The following PAX6 variants were observed in gnomAD, a reference collection of about 807,000 sequenced individuals.
PAX6 encodes the protein paired box protein Pax-6.
PAX6 carries 7 observed loss-of-function variants against 60.7 expected under a neutral mutation model. The ratio of observed to expected loss-of-function variants is 0.12; its 90% CI spans 0.07 to 0.22. The LOEUF (loss-of-function observed/expected upper bound fraction) is 0.22, where lower values mean the gene tolerates loss of function less well. PAX6 is among the 10% of genes least tolerant of loss of function. The pLI, the probability that PAX6 is intolerant of heterozygous loss-of-function variation, is 1.00. For missense variants in PAX6, 355 were observed against 555.2 expected (o/e 0.64, Z 3.62); for synonymous variants, 208 against 201.2 (o/e 1.03, Z -0.29).
chr11:31,800,183 G>T (rs779055487), intron 8 of PAX6, among the ~76,000 whole-genome samples: 1 of 151,972 alleles, frequency 6.6e-6, no homozygotes, highest in East Asian at 1.9e-4. Context: ...TTTTAGTTGG[G>T]AGACCACCAC....
chr11:31,799,724 G>C (rs1170567675), intron 8 of PAX6, among the ~76,000 whole-genome samples: 1 of 152,134 alleles, frequency 6.6e-6, no homozygotes, highest in Non-Finnish European at 1.5e-5. Flanking sequence ...TCACGGATGC[G>C]CCGGCAGCCT....
At chr11:31,808,090 T>C (rs1956267266) in intron 2 of PAX6, 1 of 152,058 alleles carries the variant, frequency 6.6e-6, no homozygotes, top group Non-Finnish European at 1.5e-5. Context: ...TCAAGAGGTC[T>C]GCCCCCCAAA....
upstream of PAX6, among the ~76,000 whole-genome samples, chr11:31,815,261 A>G (rs1957322892): frequency 6.6e-6 from 1 of 152,086 alleles, no homozygotes; most frequent in Non-Finnish European, 1.5e-5. Flanking sequence ...GGTTCCTAGA[A>G]AAGTTTGCTT....
chr11:31,816,414 G>T, intron 1 of PAX6: 1 of 626,292 alleles, frequency 1.6e-6, no homozygotes, highest in East Asian at 2.8e-5. Context: ...CCTGGGCGCG[G>T]AGCGAGGACT....
At chr11:31,816,451 GT>G (rs1488194559) in intron 1 of PAX6, 18 of 676,316 alleles carry the variant, frequency 2.7e-5, no homozygotes, top group Non-Finnish European at 4.6e-5. Context: ...ATGTCACCGC[GT>G]TTTCTCGCCG....
chr11:31,801,183 C>T (rs1269292568), intron 7 of PAX6: 2 of 1,204,080 alleles, frequency 1.7e-6, no homozygotes. Flanking sequence ...GTAAAGCTTT[C>T]TTTCATTATA....
In PAX6 at chr11:31,789,410, C is replaced by A; in HGVS notation, c.*524G>T. ...ACCTTTGGAAAACCAACAGATATTT[C>A]TGACATAAATCTAGTGCATGTTGTT... On this transcript the variant is annotated 3_prime_UTR_variant, in exon 14 of 14. Transcript: ENST00000640368. 1 of 360,912 alleles carries A rather than the reference C, an allele frequency of 2.8e-6. No individual in the cohort carries two copies. Among genetic ancestry groups the A allele is most frequent in the Non-Finnish European group, 4.9e-6 (1 of 202,538 alleles). 22.4% of individuals were successfully genotyped at this position (360,912 alleles called of 1,614,324 possible).
chr11:31,802,882 A>G (rs1227547420), intron 4 of PAX6, 48 bp from the exon 5 acceptor site: 10 of 1,574,958 alleles, frequency 6.3e-6, no homozygotes, highest in Non-Finnish European at 8.7e-6. Context: ...AGAAGAGAGC[A>G]GAGTGAAGAG....
intron 2 of PAX6, chr11:31,809,807 A>C (rs1268716584): frequency 6.6e-6 from 1 of 152,296 alleles, no homozygotes; most frequent in Non-Finnish European, 1.5e-5. Flanking sequence ...ATTCGGAGTA[A>C]AACAAACAAA....
rs10694272 is a variant in PAX6, at chr11:31,797,983, T to TGAGAGAGA, written c.565+2700_565+2707dup. On this transcript the variant is annotated intron_variant, in intron 8 of 13. Coordinates refer to ENST00000640368, the MANE Select transcript of PAX6 (RefSeq NM_001368894.2). Reference sequence around the variant, plus strand: ...ATAGGATTTGTTTCCTGGAAGGAGGTGAGAGAGAGAGAGAGAGAGAGAGAC... The same window carrying TGAGAGAGA: ...ATAGGATTTGTTTCCTGGAAGGAGGTGAGAGAGAGAGAGAGAGAGAGAGAGAGAGAGAC... 3.2e-3 allele frequency among the ~76,000 whole-genome samples: 470 copies of TGAGAGAGA among 148,294 alleles called. 5 individuals carry two copies. Among genetic ancestry groups the TGAGAGAGA allele is most frequent in the East Asian group, 3.8e-3 (19 of 4,966 alleles).
intron 7 of PAX6, 113 bp from the exon 8 acceptor site, chr11:31,800,969 C>A: frequency 8.9e-7 from 1 of 1,119,668 alleles, no homozygotes; most frequent in East Asian, 2.5e-5. Flanking sequence ...AAAAAGCTCC[C>A]AGCCACCCCG....
At chr11:31,791,216 C>A (rs1949848765) in intron 12 of PAX6, 1 of 382,084 alleles carries the variant, frequency 2.6e-6, no homozygotes. Flanking sequence ...CACATCCCCT[C>A]TCCCTGCAAA....
rs1304779385 is a variant in PAX6 at position 31,809,666 on chromosome 11, G to A, written c.-129+1162C>T. 4 of 152,268 alleles carry A rather than the reference G, an allele frequency of 2.6e-5. No individual in the cohort carries two copies. The East Asian group carries it at 7.7e-4, about 29-fold the overall frequency. 9.4% of individuals were successfully genotyped at this position (152,268 alleles called of 1,614,324 possible). ...CTTTGAAAAGACACTTTTCCTCCTG[G>A]GATCTTAGAATCGAAAGCTCTCAAA... is the stretch of plus-strand genomic sequence containing the variant. On this transcript the variant is annotated intron_variant, in intron 2 of 13. Transcript: ENST00000640368.
At chr11:31,816,738 C>T in intron 1 of PAX6, 2 of 679,836 alleles carry the variant, frequency 2.9e-6, no homozygotes, top group South Asian at 3.1e-5. Context: ...GGTCCCAACA[C>T]CTGTCACAGG....
At chr11:31,815,842 C>T (rs1379887599), upstream of PAX6, among the ~76,000 whole-genome samples, 2 of 152,088 alleles carry the variant, frequency 1.3e-5, no homozygotes, top group African/African-American at 4.8e-5. Flanking sequence ...AACCCAGTCT[C>T]ACAGAGGGTG....
chr11:31,813,929 G>A (rs1957250899), upstream of PAX6, among the ~76,000 whole-genome samples: 1 of 152,182 alleles, frequency 6.6e-6, no homozygotes. Flanking sequence ...AAGCGGCCTA[G>A]GGGTGTGGGG....
rs545650746 is a variant in PAX6, at chr11:31,802,614, A to G, written c.141+90T>C. On this transcript the variant is annotated intron_variant, in intron 5 of 13. Transcript: ENST00000640368. The stretch of plus-strand genomic sequence containing the variant: ...GTGGGTGAGGGTGGGGGGGTCCATA[A>G]TTAGCATCGTTTACAGTAAGAAATG... 6.3e-4 allele frequency: 909 copies of G among 1,447,690 alleles called. 1 individual carries two copies. The highest frequency in any genetic ancestry group is 7.2e-4 in the Non-Finnish European group (781 of 1,080,892). The allele number at this position is 1,447,690 out of a possible 1,614,324, so 89.7% of individuals were successfully genotyped here.
intron 2 of PAX6, chr11:31,807,502 T>C (rs1470345271): frequency 2.0e-5 from 3 of 152,246 alleles, no homozygotes; most frequent in Admixed American, 2.0e-4. Flanking sequence ...TCCATCTACC[T>C]CCCAGCTTTC....
intron 7 of PAX6, chr11:31,801,349 A>G: frequency 2.1e-6 from 3 of 1,458,594 alleles, no homozygotes; most frequent in Admixed American, 4.8e-5. Context: ...ATGCAAATGA[A>G]GTGAATGACT....
Sources: allele counts gnomAD v4.1 joint callset (sites outside exome capture counted in the v4.1 genomes callset), GRCh38; gene constraint gnomAD v4.1.1; transcripts MANE v1.5; gene names NCBI Gene and HGNC (gene_info 2026-07-23, HGNC 2026-07-21).